LTBP4: variants seen among roughly 807,000 people sequenced by gnomAD.
LTBP4 encodes latent transforming growth factor beta binding protein 4.
In LTBP4, 93 loss-of-function variants were observed where a neutral mutation model predicts 180.2. The ratio of observed to expected loss-of-function variants is 0.52; its 90% CI spans 0.44 to 0.61. The LOEUF (loss-of-function observed/expected upper bound fraction) is 0.61. LTBP4 is among the 20% of genes least tolerant of loss of function. The pLI is 0.00. For missense variants in LTBP4, 2,116 were observed against 2,256.5 expected (o/e 0.94, Z 1.26); for synonymous variants, 947 against 934.5 (o/e 1.01, Z -0.24).
chr19:40,613,493 G>C lies in LTBP4; in HGVS notation c.2521G>C (p.Gly841Arg), dbSNP rs1235554414. Reference protein sequence around the residue: ...DGSFACTCAPGYRPGPRGASC... With the variant: ...DGSFACTCAPRYRPGPRGASC... ...CTCCTTTGCCTGTACTTGTGCCCCTGGCTACCGACCCGGACCCCGCGGAGC... is the reference window on the plus strand; with the variant it reads ...CTCCTTTGCCTGTACTTGTGCCCCTCGCTACCGACCCGGACCCCGCGGAGC... Residue 841 changes from glycine to arginine, a missense_variant, in exon 17 of 30, where the codon GGC becomes CGC. Coordinates refer to ENST00000396819, the MANE Select transcript of LTBP4 (RefSeq NM_001042545.2). The surrounding 1 kb of genome is among the most constrained non-coding windows in gnomAD (Gnocchi z 5.0). 31 of 1,584,318 alleles carry C rather than the reference G, an allele frequency of 2.0e-5. No homozygotes were observed. Among genetic ancestry groups the C allele is most frequent in the Non-Finnish European group, 2.7e-5 (31 of 1,166,026 alleles).
intron 25 of LTBP4, 87 bp from the exon 26 acceptor site, chr19:40,623,849 T>G (rs1405804988): frequency 4.4e-6 from 7 of 1,595,670 alleles, no homozygotes; most frequent in Non-Finnish European, 5.1e-6. Context: ...CTAGACTCCA[T>G]CCATCACACT....
At chr19:40,616,740 C>CA in intron 19 of LTBP4, 149 bp from the exon 20 acceptor site, 7 of 993,850 alleles carry the variant, frequency 7.0e-6, no homozygotes, top group Non-Finnish European at 1.0e-5. Context: ...AAAGAAAAAA[C>CA]AAAGTTTTCA....
Position 40,627,264 on chromosome 19 carries a change from T to C in LTBP4, c.4275T>C (p.Pro1425=). ...PYGESEAPAP[P]GPGTRWPYRS... ...GCGAATCTGAGGCTCCTGCGCCACC[T>C]GGCCCGGGCACCCGCTGGCCCTATC... The change falls in exon 28 of 30, where the codon CCT becomes CCC. Residue 1425 remains proline, a synonymous_variant. Coordinates refer to ENST00000396819, the MANE Select transcript of LTBP4 (RefSeq NM_001042545.2). The C allele has an allele frequency of 6.4e-7, 1 of 1,569,448 alleles. No homozygotes were observed. The highest frequency in any genetic ancestry group is 8.6e-7 in the Non-Finnish European group (1 of 1,161,700).
upstream of LTBP4, among the ~76,000 whole-genome samples, chr19:40,597,031 TCC>T: frequency 6.6e-6 from 1 of 152,066 alleles, no homozygotes; most frequent in East Asian, 1.9e-4. Flanking sequence ...CCGGCACCTG[TCC>T]CTGCTGCCTC....
chr19:40,610,614 C>A lies in LTBP4; in HGVS notation c.1767C>A (p.Cys589Ter), dbSNP rs2146028500. Residue 589 changes from cysteine (C) to a stop codon, truncating the protein, a stop_gained, in exon 12 of 30, where the codon TGC becomes TGA. Transcript: ENST00000396819. LOFTEE classifies it high-confidence loss of function. ...CGCCAGGCAGCTTCCTGTGCGTGTG[C>A]CCCGCCGGGTACCAGGCTGCACCGC... is the stretch of plus-strand genomic sequence containing the variant. ...ENTPGSFLCVCPAGYQAAPHG... is the reference protein window; with the variant it reads ...ENTPGSFLCV The A allele has an allele frequency of 6.3e-7, 1 of 1,588,818 alleles. No homozygotes were observed. The highest frequency in any genetic ancestry group is 8.5e-7 in the Non-Finnish European group (1 of 1,174,672).
chr19:40,617,870 C>G (rs1188150995), intron 21 of LTBP4, among the ~76,000 whole-genome samples: 1 of 152,014 alleles, frequency 6.6e-6, no homozygotes, highest in Non-Finnish European at 1.5e-5. Flanking sequence ...GAACACCTAC[C>G]TACTCATGAT....
intron 6 of LTBP4, 119 bp from the exon 7 acceptor site, chr19:40,607,246 C>G: frequency 1.1e-6 from 1 of 878,302 alleles, no homozygotes; most frequent in South Asian, 1.6e-5. Context: ...TCCCAAATGC[C>G]CCTCGCACCC....
intron 21 of LTBP4, among the ~76,000 whole-genome samples, chr19:40,618,689 C>A (rs553965615): frequency 1.3e-5 from 2 of 152,308 alleles, no homozygotes; most frequent in Admixed American, 6.5e-5. Flanking sequence ...CAGATATTTT[C>A]ATTCAACGTT....
intron 29 of LTBP4, among the ~76,000 whole-genome samples, chr19:40,628,248 A>T (rs1270328907): frequency 6.6e-6 from 1 of 152,230 alleles, no homozygotes; most frequent in Non-Finnish European, 1.5e-5. Context: ...AGTGATTAAA[A>T]TCAAGAACAT....
In LTBP4 at chr19:40,613,337, C is replaced by T. The variant is rs907235209; in HGVS notation, c.2432-67C>T. 2.6e-6 allele frequency: 4 copies of T among 1,563,832 alleles called. No homozygotes were observed. The highest frequency in any genetic ancestry group is 3.8e-5 in the Admixed American group (2 of 53,196). On this transcript the variant is annotated intron_variant, in intron 16 of 29. Transcript: ENST00000396819. The surrounding 1 kb of genome is among the most constrained non-coding windows in gnomAD (Gnocchi z 5.0). ...GGCATTGGTGGGGGCGGGGTTACTGCGATGTGGGCGGAGCTTGTCTGGGAG... is the reference window on the plus strand; with the variant it reads ...GGCATTGGTGGGGGCGGGGTTACTGTGATGTGGGCGGAGCTTGTCTGGGAG...
rs2081659065 is a variant in LTBP4 at position 40,629,227 on chromosome 19, T to G, written c.4520-169T>G. The G allele has an allele frequency of 2.8e-6, 2 of 720,162 alleles. No homozygotes were observed. The highest frequency in any genetic ancestry group is 3.4e-5 in the South Asian group (2 of 58,310). 44.6% of individuals were successfully genotyped at this position (720,162 alleles called of 1,614,324 possible). On this transcript the variant is annotated intron_variant, in intron 29 of 29. Transcript: ENST00000396819. This position sits in a 1 kb window ranked among gnomAD's most constrained non-coding sequence, Gnocchi z 4.5. ...TACAGAACACGAAACTGAAGCACAGTGAGGTTAAGCCACCTGGCCGGGCTC... is the reference window on the plus strand; with the variant it reads ...TACAGAACACGAAACTGAAGCACAGGGAGGTTAAGCCACCTGGCCGGGCTC...
rs368474289 is a variant in LTBP4, at chr19:40,627,169, C to T, written c.4180C>T (p.Arg1394Cys). The T allele has an allele frequency of 1.4e-5, 22 of 1,613,212 alleles. No individual in the cohort carries two copies. The highest frequency in any genetic ancestry group is 1.3e-5 in the Non-Finnish European group (15 of 1,179,672). The change falls in exon 28 of 30, where the codon CGC (arginine) becomes TGC (cysteine). Residue 1394 changes from arginine to cysteine, a missense_variant. Around this residue, in one of 5 missense-constraint regions of LTBP4, gnomAD observed 488 missense variants for 458.8 expected, o/e 1.06. Coordinates refer to ENST00000396819, the MANE Select transcript of LTBP4 (RefSeq NM_001042545.2). ...PYPPPPGPFA[R>C]REAPYGAPRF... ...CCCACCGCCACCTGGGCCCTTCGCC[C>T]GCCGGGAGGCTCCTTATGGGGCACC...
chr19:40,601,462 G>C lies in LTBP4; in HGVS notation c.75G>C (p.Leu25=). The C allele has an allele frequency of 6.7e-7, 1 of 1,490,118 alleles. No individual in the cohort carries two copies. Among genetic ancestry groups the C allele is most frequent in the Non-Finnish European group, 8.9e-7 (1 of 1,126,216 alleles). 92.3% of individuals were successfully genotyped at this position (1,490,118 alleles called of 1,614,324 possible). A position where few individuals can be genotyped will look rare whatever the true frequency, so the allele number is the denominator to read the frequency against. Residue 25 remains leucine (L), a synonymous_variant, in exon 1 of 30, where the codon CTG becomes CTC. Transcript: ENST00000396819. The part of the protein sequence containing the change: ...LLAQLGPQPG[L]GRLGERLRVR... The stretch of plus-strand genomic sequence containing the variant: ...CGCAGCTAGGGCCGCAGCCTGGACT[G>C]GGCCGGCTCGGAGAGCGTCTCCGCG...
chr19:40,608,391 T>C lies in LTBP4; in HGVS notation c.1306+22T>C, dbSNP rs116231019. On this transcript the variant is annotated intron_variant, in intron 8 of 29. Transcript: ENST00000396819. ...GCAGGTGAGCTGGCTCTGGCAGAAG[T>C]GGGTGCCATCTTCAAGGGGCTGCCC... is the stretch of plus-strand genomic sequence containing the variant. 3.8e-3 allele frequency: 6,182 copies of C among 1,609,484 alleles called. 213 individuals carry two copies. In the African/African-American group the frequency reaches 0.073, roughly 19 times the overall value.
At chr19:40,595,897 AT>A (rs902258692) in intron 1 of LTBP4, among the ~76,000 whole-genome samples, 1 of 123,700 alleles carries the variant, frequency 8.1e-6, no homozygotes, top group African/African-American at 3.1e-5. Context: ...TACCCGGCTA[AT>A]TTTTGGATTT....
Position 40,613,008 on chromosome 19 carries a change from G to A in LTBP4, c.2300-57G>A. On this transcript the variant is annotated intron_variant, in intron 15 of 29. Coordinates refer to ENST00000396819, the MANE Select transcript of LTBP4 (RefSeq NM_001042545.2). This position sits in a 1 kb window ranked among gnomAD's most constrained non-coding sequence, Gnocchi z 5.0. ...TCCCCCAGACACCCTACTCCAAGGGGATTGGTCGGGTGTGTCCCGAGACTG... is the reference window on the plus strand; with the variant it reads ...TCCCCCAGACACCCTACTCCAAGGGAATTGGTCGGGTGTGTCCCGAGACTG... 2 of 1,569,344 alleles carry A rather than the reference G, an allele frequency of 1.3e-6. No individual in the cohort carries two copies. Among genetic ancestry groups the A allele is most frequent in the East Asian group, 4.7e-5 (2 of 42,894 alleles).
upstream of LTBP4, chr19:40,599,101 C>A: frequency 1.8e-6 from 2 of 1,111,364 alleles, no homozygotes; most frequent in Non-Finnish European, 1.3e-6. Flanking sequence ...TTCAAGCCCC[C>A]TCAGGATGCG....
chr19:40,610,619 C>T lies in LTBP4; in HGVS notation c.1772C>T (p.Ala591Val), dbSNP rs757129988. The change falls in exon 12 of 30, where the codon GCC becomes GTC. Residue 591 changes from alanine (A) to valine (V), a missense_variant. Around this residue, in one of 5 missense-constraint regions of LTBP4, gnomAD observed 877 missense variants for 873.6 expected, o/e 1.00. Transcript: ENST00000396819. ...GGCAGCTTCCTGTGCGTGTGCCCCG[C>T]CGGGTACCAGGCTGCACCGCACGGA... ...TPGSFLCVCP[A>V]GYQAAPHGAS... The T allele has an allele frequency of 6.3e-7, 1 of 1,589,928 alleles. No homozygotes were observed. The highest frequency in any genetic ancestry group is 1.3e-5 in the African/African-American group (1 of 74,892).
chr19:40,622,513 G>A lies in LTBP4; in HGVS notation c.3330G>A (p.Gly1110=). The change falls in exon 23 of 30, where the codon GGG becomes GGA. Residue 1110 remains glycine, a synonymous_variant. Coordinates refer to ENST00000396819, the MANE Select transcript of LTBP4 (RefSeq NM_001042545.2). The surrounding 1 kb of genome is among the most constrained non-coding windows in gnomAD (Gnocchi z 5.1). ...GCACACCTAGGCAGGGCCCTGTGGG[G>A]AGTGGGCGCCGGGAGTGCTACTTTG... ...RPSTPRQGPV[G]SGRRECYFDT... is the part of the protein sequence containing the mutation. The A allele has an allele frequency of 6.8e-6, 11 of 1,613,670 alleles. No individual in the cohort carries two copies. Among genetic ancestry groups the A allele is most frequent in the Non-Finnish European group, 7.6e-6 (9 of 1,179,754 alleles).
Sources: gnomAD v4.1 joint callset for allele counts (sites outside exome capture counted in the v4.1 genomes callset) on GRCh38, gnomAD v4.1.1 for gene constraint, gnomAD v4.1.1 regional missense constraint, Gnocchi (gnomAD v3.1) non-coding constraint, MANE v1.5 for transcripts, NCBI Gene and HGNC (gene_info 2026-07-23, HGNC 2026-07-21) for gene names.